The following ZCCHC9 variants were observed in gnomAD, a reference collection of about 807,000 sequenced individuals.
The protein encoded by ZCCHC9 is zinc finger CCHC domain-containing protein 9.
In ZCCHC9, 18 loss-of-function variants were observed where a neutral mutation model predicts 30.8. The ratio of observed to expected loss-of-function variants is 0.58; its 90% CI spans 0.40 to 0.87. The LOEUF is 0.87. Ranked by LOEUF, ZCCHC9 falls within the 40% of genes least tolerant of loss-of-function variation. The pLI, the probability that ZCCHC9 is intolerant of heterozygous loss-of-function variation, is 0.00. For missense variants in ZCCHC9, 279 were observed against 331.2 expected (o/e 0.84, Z 1.22); for synonymous variants, 94 against 106.7 (o/e 0.88, Z 0.73).
intron 5 of ZCCHC9, among the ~76,000 whole-genome samples, chr5:81,312,187 G>A (rs1053242529): frequency 6.6e-6 from 1 of 152,180 alleles, no homozygotes; most frequent in Non-Finnish European, 1.5e-5. Flanking sequence ...AATTTCACAG[G>A]TGGAATCTTG....
chr5:81,308,928 A>G lies in ZCCHC9; in HGVS notation c.536-18A>G. ...CCATATGTATTGTCAACTGAATAGG[A>G]ACTGTTGATTTTTACAGGCGAATTT... On this transcript the variant is annotated intron_variant, in intron 3 of 5. Coordinates refer to ENST00000407610, the MANE Select transcript of ZCCHC9 (RefSeq NM_001131035.2). The G allele has an allele frequency of 6.2e-7, 1 of 1,605,286 alleles. No individual in the cohort carries two copies. Among genetic ancestry groups the G allele is most frequent in the Non-Finnish European group, 8.5e-7 (1 of 1,173,828 alleles).
At chr5:81,307,409 C>A (rs1758108557) in intron 2 of ZCCHC9, among the ~76,000 whole-genome samples, 1 of 152,138 alleles carries the variant, frequency 6.6e-6, no homozygotes, top group East Asian at 1.9e-4. Context: ...TGCCTGTAAT[C>A]CCAGCACTTT....
At position 81,304,949 on chromosome 5, in the gene ZCCHC9, A is replaced by G. The variant is rs769482065; in HGVS notation, c.192A>G (p.Lys64=). 7 of 1,613,754 alleles carry G rather than the reference A, an allele frequency of 4.3e-6. No homozygotes were observed. Among genetic ancestry groups the G allele is most frequent in the Non-Finnish European group, 5.9e-6 (7 of 1,179,994 alleles). ...CAAAACATAAAAAGAACAAAAAGAAAAAAGAGTACTTAAATGAAGATGTGA... is the reference window on the plus strand; with the variant it reads ...CAAAACATAAAAAGAACAAAAAGAAGAAAGAGTACTTAAATGAAGATGTGA... ...PQAKHKKNKK[K]KEYLNEDVNG... Residue 64 remains lysine (K), a synonymous_variant, in exon 2 of 6, where the codon AAA becomes AAG. Transcript: ENST00000407610.
chr5:81,310,992 G>T (rs1758265068), intron 4 of ZCCHC9, among the ~76,000 whole-genome samples: 1 of 152,150 alleles, frequency 6.6e-6, no homozygotes, highest in African/African-American at 2.4e-5. Flanking sequence ...TCAAGGCCAG[G>T]TGCAAGAAGC....
chr5:81,305,483 TGTG>T (rs1758061371), intron 2 of ZCCHC9, among the ~76,000 whole-genome samples: 1 of 151,744 alleles, frequency 6.6e-6, no homozygotes, highest in Non-Finnish European at 1.5e-5. Flanking sequence ...ATAGACCAGA[TGTG>T]GTGGCCCATG....
At chr5:81,304,107 C>T (rs1461052390) in intron 1 of ZCCHC9, 3 of 152,126 alleles carry the variant, frequency 2.0e-5, no homozygotes, top group Non-Finnish European at 4.4e-5. Context: ...TGATTCAAGT[C>T]ATAATTTAAA....
At position 81,308,030 on chromosome 5, in the gene ZCCHC9, T is replaced by A. The variant is rs1338314693; in HGVS notation, c.385-531T>A. Among the ~76,000 whole-genome samples the A allele has an allele frequency of 1.3e-3, 185 of 140,908 alleles. 5 individuals carry two copies. Among genetic ancestry groups the A allele is most frequent in the African/African-American group, 4.8e-3 (175 of 36,342 alleles). 92.4% of individuals were successfully genotyped at this position (140,908 alleles called of 152,430 possible). ...AAAAAAAAAAAAAAAAAAATCTATCTATCTATCTATCTATCTATCTATCTA... is the reference window on the plus strand; with the variant it reads ...AAAAAAAAAAAAAAAAAAATCTATCAATCTATCTATCTATCTATCTATCTA... On this transcript the variant is annotated intron_variant, in intron 2 of 5. Transcript: ENST00000407610.
In ZCCHC9 at chr5:81,305,150, A is replaced by G. The variant is rs1420201108; in HGVS notation, c.384+9A>G. On this transcript the variant is annotated intron_variant, in intron 2 of 5. Transcript: ENST00000407610. ...CAAAGAAAAATGCAATGGTGAGAGC[A>G]TCACTTCTACCATGTTATTTACTTT... is the stretch of plus-strand genomic sequence containing the variant. 2 of 1,583,282 alleles carry G rather than the reference A, an allele frequency of 1.3e-6. No individual in the cohort carries two copies. The highest frequency in any genetic ancestry group is 1.7e-6 in the Non-Finnish European group (2 of 1,169,318).
intron 1 of ZCCHC9, 197 bp from the exon 2 acceptor site, chr5:81,304,544 T>C (rs1758038252): frequency 9.9e-6 from 4 of 406,004 alleles, no homozygotes; most frequent in Middle Eastern, 1.3e-3. Context: ...GGTAGATTTA[T>C]GTTAGAAGCA....
In ZCCHC9 at chr5:81,312,797, A is replaced by C. The variant is rs1758333200; in HGVS notation, c.*135A>C. On this transcript the variant is annotated 3_prime_UTR_variant, in exon 6 of 6. Coordinates refer to ENST00000407610, the MANE Select transcript of ZCCHC9 (RefSeq NM_001131035.2). ...CAGTATGATCTGGGTGTGGCCAAAA[A>C]CAATTTTCTTTATTCTGTCTATCAA... The C allele has an allele frequency of 3.3e-6, 2 of 612,326 alleles. No homozygotes were observed. The highest frequency in any genetic ancestry group is 5.8e-6 in the Non-Finnish European group (2 of 344,736). 37.9% of individuals were successfully genotyped at this position (612,326 alleles called of 1,614,324 possible).
At chr5:81,305,209 A>G in intron 2 of ZCCHC9, 68 bp downstream of exon 2, 1 of 1,517,004 alleles carries the variant, frequency 6.6e-7, no homozygotes, top group Non-Finnish European at 8.8e-7. Flanking sequence ...ATTCACACAC[A>G]TATATACCTT....
chr5:81,302,668 A>G (rs903136936), intron 1 of ZCCHC9: 1 of 152,234 alleles, frequency 6.6e-6, no homozygotes, highest in African/African-American at 2.4e-5. Flanking sequence ...CAGTATAACT[A>G]CTAAATACTG....
At chr5:81,309,826 CA>C (rs941392046) in intron 4 of ZCCHC9, among the ~76,000 whole-genome samples, 2 of 152,114 alleles carry the variant, frequency 1.3e-5, no homozygotes, top group Non-Finnish European at 2.9e-5. Context: ...CACAGTTTTT[CA>C]ATTTTAATCT....
At chr5:81,307,615 T>C (rs1489101518) in intron 2 of ZCCHC9, among the ~76,000 whole-genome samples, 1 of 151,924 alleles carries the variant, frequency 6.6e-6, no homozygotes, top group Non-Finnish European at 1.5e-5. Context: ...ATCACGCCAC[T>C]GCACTCCAGC....
chr5:81,312,518 A>G (rs762212183), intron 5 of ZCCHC9, 26 bp from the exon 6 acceptor site: 3 of 1,568,552 alleles, frequency 1.9e-6, no homozygotes, highest in Non-Finnish European at 1.7e-6. Context: ...TTTTTCTAAC[A>G]TTCTGATTTT....
chr5:81,308,303 C>G (rs1179694051), intron 2 of ZCCHC9: 1 of 329,034 alleles, frequency 3.0e-6, no homozygotes, highest in Non-Finnish European at 5.4e-6. Context: ...CAATTGCCGT[C>G]TACAAAGCCA....
Position 81,304,947 on chromosome 5 carries a change from A to G in ZCCHC9, c.190A>G (p.Lys64Glu), listed in dbSNP as rs778571000. 1 of 1,613,828 alleles carries G rather than the reference A, an allele frequency of 6.2e-7. No homozygotes were observed. The highest frequency in any genetic ancestry group is 8.5e-7 in the Non-Finnish European group (1 of 1,179,972). Reference sequence around the variant, plus strand: ...AGCAAAACATAAAAAGAACAAAAAGAAAAAAGAGTACTTAAATGAAGATGT... The same window carrying G: ...AGCAAAACATAAAAAGAACAAAAAGGAAAAAGAGTACTTAAATGAAGATGT... ...PQAKHKKNKK[K>E]KEYLNEDVNG... The change falls in exon 2 of 6, where the codon AAA becomes GAA. Residue 64 changes from lysine (K) to glutamate (E), a missense_variant. Transcript: ENST00000407610.
intron 5 of ZCCHC9, among the ~76,000 whole-genome samples, chr5:81,311,757 T>G (rs545472574): frequency 5.3e-5 from 8 of 152,344 alleles, no homozygotes; most frequent in African/African-American, 1.9e-4. Context: ...CTGGCGATTT[T>G]CTTCCTGATG....
At position 81,304,973 on chromosome 5, in the gene ZCCHC9, G is replaced by C; in HGVS notation, c.216G>C (p.Val72=). ...AAAAAGAGTACTTAAATGAAGATGT[G>C]AATGGATTCATGGAATACCTAAGAC... ...KKKKEYLNED[V]NGFMEYLRQN... Residue 72 remains valine, a synonymous_variant, in exon 2 of 6, where the codon GTG becomes GTC. Coordinates refer to ENST00000407610, the MANE Select transcript of ZCCHC9 (RefSeq NM_001131035.2). The C allele has an allele frequency of 6.2e-7, 1 of 1,614,052 alleles. No individual in the cohort carries two copies. The highest frequency in any genetic ancestry group is 8.5e-7 in the Non-Finnish European group (1 of 1,179,996).
Sources: gnomAD v4.1 joint callset for allele counts (sites outside exome capture counted in the v4.1 genomes callset) on GRCh38, gnomAD v4.1.1 for gene constraint, MANE v1.5 for transcripts, NCBI Gene and HGNC (gene_info 2026-07-23, HGNC 2026-07-21) for gene names.